Variants in APP observed in about 807,000 individuals in gnomAD.
APP encodes amyloid beta precursor protein.
A neutral mutation model predicts 101.4 loss-of-function variants in APP; 31 were observed. The observed-to-expected ratio is 0.31, with a 90% CI of 0.23 to 0.41. The LOEUF is 0.41. Ranked by LOEUF, APP falls within the 10% of genes least tolerant of loss-of-function variation. APP has a pLI of 1.00. For synonymous variants in APP, 366 were observed against 364.4 expected, an observed-to-expected ratio of 1.00 and a Z score of -0.05; for missense variants, 839 against 1,003.7, an observed-to-expected ratio of 0.84 and a Z score of 2.22.
intron 3 of APP, among the ~76,000 whole-genome samples, chr21:26,083,368 A>G (rs950603618): frequency 1.3e-5 from 2 of 152,250 alleles, no homozygotes; most frequent in African/African-American, 4.8e-5. Flanking sequence ...CTCTCCAAGA[A>G]TATTTAATTT....
chr21:26,124,102 T>C (rs1387474298), intron 1 of APP, among the ~76,000 whole-genome samples: 1 of 151,994 alleles, frequency 6.6e-6, no homozygotes, highest in Non-Finnish European at 1.5e-5. Context: ...ATTCAATAAA[T>C]ACTTATGCCA....
At position 25,987,818 on chromosome 21, in the gene APP, T is replaced by C. The variant is rs368391458; in HGVS notation, c.1091-5341A>G. 4.6e-5 allele frequency among the ~76,000 whole-genome samples: 7 copies of C among 152,104 alleles called. No individual in the cohort carries two copies. The East Asian group carries it at 1.3e-3, about 29-fold the overall frequency. On this transcript the variant is annotated intron_variant, in intron 8 of 17. Coordinates refer to ENST00000346798, the MANE Select transcript of APP (RefSeq NM_000484.4). ...CTTTTATTCCTCCAGCCCACCAACA[T>C]TGCAGCCCTTATTATATGTGAGGCA...
chr21:25,890,086 G>T (rs1166227284), intron 17 of APP, among the ~76,000 whole-genome samples: 1 of 152,070 alleles, frequency 6.6e-6, no homozygotes, highest in Admixed American at 6.6e-5. Flanking sequence ...ATCACAAAAG[G>T]TGCAATGGCC....
chr21:26,031,537 G>A (rs1387922007), intron 5 of APP, among the ~76,000 whole-genome samples: 1 of 152,140 alleles, frequency 6.6e-6, no homozygotes, highest in Non-Finnish European at 1.5e-5. Context: ...GAGGTGAAAG[G>A]CATTTCTTAC....
intron 11 of APP, 56 bp downstream of exon 11, chr21:25,975,008 TGCCCCA>T: frequency 6.2e-7 from 1 of 1,606,842 alleles, no homozygotes; most frequent in Non-Finnish European, 8.5e-7. Context: ...CAGTTCCCAG[TGCCCCA>T]CCCTTACTGT....
chr21:25,891,679 AGT>A (rs2037707603), intron 17 of APP, 41 bp downstream of exon 17: 4 of 1,601,968 alleles, frequency 2.5e-6, no homozygotes, highest in Non-Finnish European at 3.4e-6. Flanking sequence ...ATTCTCTCAT[AGT>A]CTTAATTCCC....
At chr21:25,898,079 A>G (rs1290499969) in intron 15 of APP, 2 of 191,860 alleles carry the variant, frequency 1.0e-5, no homozygotes, top group South Asian at 2.0e-4. Context: ...AAATAATAAT[A>G]AAAGGCTTTA....
chr21:26,003,383 C>T (rs1485866534), intron 6 of APP, among the ~76,000 whole-genome samples: 1 of 152,166 alleles, frequency 6.6e-6, no homozygotes, highest in East Asian at 1.9e-4. Context: ...GGTTGGTTCT[C>T]CCAATCCTGT....
intron 11 of APP, among the ~76,000 whole-genome samples, chr21:25,957,235 A>G (rs2041360181): frequency 6.6e-6 from 1 of 152,222 alleles, no homozygotes; most frequent in Non-Finnish European, 1.5e-5. Context: ...GAACTGTGAA[A>G]TCTGGTTGAA....
At chr21:26,038,745 C>CA (rs1169027147) in intron 5 of APP, among the ~76,000 whole-genome samples, 2 of 152,140 alleles carry the variant, frequency 1.3e-5, no homozygotes, top group African/African-American at 4.8e-5. Flanking sequence ...GTCTGGGCGA[C>CA]AGAGTCTTAA....
At chr21:26,021,290 C>CGCCT (rs2044326895) in intron 6 of APP, among the ~76,000 whole-genome samples, 1 of 152,064 alleles carries the variant, frequency 6.6e-6, no homozygotes, top group African/African-American at 2.4e-5. Context: ...TCAGGTGATC[C>CGCCT]GCCTGCCTCG....
intron 15 of APP, chr21:25,898,109 T>G (rs1308809382): frequency 5.5e-6 from 1 of 182,772 alleles, no homozygotes; most frequent in Non-Finnish European, 1.1e-5. Context: ...ATTAATTACC[T>G]GGTAGAACAA....
intron 1 of APP, among the ~76,000 whole-genome samples, chr21:26,153,401 TAAG>T (rs2063317507): frequency 6.6e-6 from 1 of 152,248 alleles, no homozygotes; most frequent in Non-Finnish European, 1.5e-5. Flanking sequence ...TGGATTTTTT[TAAG>T]GTTAAAGGTA....
chr21:25,975,297 T>C, intron 10 of APP, 69 bp from the exon 11 acceptor site: 1 of 1,595,176 alleles, frequency 6.3e-7, no homozygotes, highest in Non-Finnish European at 8.6e-7. Flanking sequence ...TCAAGTCTTC[T>C]AAAAAAGACA....
chr21:26,145,902 C>T (rs2063144798), intron 1 of APP, among the ~76,000 whole-genome samples: 1 of 144,546 alleles, frequency 6.9e-6, no homozygotes, highest in Non-Finnish European at 1.5e-5. Flanking sequence ...GCATAATATT[C>T]TACTGTATAA....
chr21:26,143,372 G>A (rs903713156), intron 1 of APP, among the ~76,000 whole-genome samples: 1 of 152,186 alleles, frequency 6.6e-6, no homozygotes, highest in Admixed American at 6.5e-5. Flanking sequence ...CTTTACCATA[G>A]AGCTACAGAT....
chr21:25,887,236 C>A (rs2037386083), intron 17 of APP, among the ~76,000 whole-genome samples: 1 of 152,140 alleles, frequency 6.6e-6, no homozygotes, highest in South Asian at 2.1e-4. Flanking sequence ...GTACCGCTTG[C>A]TACTAAACAG....
intron 1 of APP, among the ~76,000 whole-genome samples, chr21:26,140,669 G>A (rs2063023729): frequency 6.6e-6 from 1 of 152,222 alleles, no homozygotes; most frequent in African/African-American, 2.4e-5. Flanking sequence ...TCACAACACA[G>A]GAACTTGTTA....
intron 10 of APP, 94 bp downstream of exon 10, chr21:25,975,860 C>A (rs535753281): frequency 2.1e-6 from 2 of 964,516 alleles, no homozygotes; most frequent in Non-Finnish European, 3.4e-6. Context: ...AACAATCACA[C>A]GTGAGGTGCT....
Sources: gnomAD v4.1 joint callset for allele counts (sites outside exome capture counted in the v4.1 genomes callset) on GRCh38, gnomAD v4.1.1 for gene constraint, MANE v1.5 for transcripts, NCBI Gene and HGNC (gene_info 2026-07-23, HGNC 2026-07-21) for gene names.